The following PRKX variants were observed in gnomAD, a reference collection of about 807,000 sequenced individuals.
PRKX encodes cAMP-dependent protein kinase catalytic subunit PRKX.
In PRKX, 12 loss-of-function variants were observed where a neutral mutation model predicts 22.0. The observed-to-expected ratio is 0.54, with a 90% CI of 0.35 to 0.88. The LOEUF is 0.88. Among genes scored for constraint, PRKX ranks in the 40% least tolerant of loss-of-function variants. PRKX has a pLI of 0.01. For missense variants in PRKX, 217 were observed against 308.0 expected, an observed-to-expected ratio of 0.70 and a Z score of 2.21; for synonymous variants, 134 against 137.7, an observed-to-expected ratio of 0.97 and a Z score of 0.19.
chrX:3,701,353 T>C (rs1928567392), intron 1 of PRKX, among the ~76,000 whole-genome samples: 1 of 112,198 alleles, frequency 8.9e-6, no homozygotes, highest in Admixed American at 9.5e-5. Context: ...TGATTCTCCC[T>C]CCTTGACCTC....
chrX:3,699,740 G>A (rs1449348625), intron 1 of PRKX, among the ~76,000 whole-genome samples: 1 of 112,605 alleles, frequency 8.9e-6, no homozygotes, highest in Non-Finnish European at 1.9e-5. Context: ...TTCTAAATGA[G>A]CATCAGAAAC....
chrX:3,617,966 C>A (rs1926467457), intron 6 of PRKX, among the ~76,000 whole-genome samples: 1 of 102,704 alleles, frequency 9.7e-6, no homozygotes, highest in African/African-American at 3.6e-5. Context: ...GGGGGCGGGG[C>A]AATGGACAGA....
chrX:3,633,032 A>T, intron 4 of PRKX, among the ~76,000 whole-genome samples: 1 of 111,051 alleles, frequency 9.0e-6, no homozygotes. Flanking sequence ...AGCCTGGACA[A>T]CACAGTGAGA....
At chrX:3,673,611 G>A (rs376621988) in intron 2 of PRKX, among the ~76,000 whole-genome samples, 3 of 110,826 alleles carry the variant, frequency 2.7e-5, no homozygotes, top group Admixed American at 9.6e-5. Context: ...GGACAGGAGA[G>A]GCATGGTAGC....
At chrX:3,617,471 T>C (rs979262026) in intron 6 of PRKX, among the ~76,000 whole-genome samples, 1 of 108,887 alleles carries the variant, frequency 9.2e-6, no homozygotes, top group African/African-American at 3.3e-5. Flanking sequence ...AAGTAAGACC[T>C]GGTCTCTACA....
chrX:3,670,046 C>A (rs1189695506), intron 2 of PRKX: 1 of 123,685 alleles, frequency 8.1e-6, no homozygotes, highest in Non-Finnish European at 1.9e-5. Context: ...TGCAGGACGG[C>A]CCCACCCCAG....
intron 5 of PRKX, among the ~76,000 whole-genome samples, chrX:3,623,463 G>A (rs528075519): frequency 2.7e-5 from 3 of 110,764 alleles, no homozygotes; most frequent in South Asian, 3.9e-4. Flanking sequence ...GGCTGAGGTG[G>A]GAGTGTCATT....
At chrX:3,626,360 G>A (rs1328977335) in intron 5 of PRKX, 59 bp downstream of exon 5, 48 of 953,900 alleles carry the variant, frequency 5.0e-5, no homozygotes, top group Non-Finnish European at 6.4e-5. Context: ...TGCTTTCACG[G>A]TGATTTTAGA....
chrX:3,609,400 A>G (rs925725879), intron 8 of PRKX, among the ~76,000 whole-genome samples: 1 of 111,621 alleles, frequency 9.0e-6, no homozygotes, highest in East Asian at 2.8e-4. Context: ...ACCTCAGATG[A>G]TCCATGCGCC....
chrX:3,648,107 C>A (rs951810490), intron 3 of PRKX, among the ~76,000 whole-genome samples: 4 of 111,911 alleles, frequency 3.6e-5, no homozygotes, highest in Admixed American at 2.9e-4. Context: ...GAGCTCCTGG[C>A]CAATTTTAAC....
At chrX:3,679,595 T>C (rs1928030761) in intron 1 of PRKX, among the ~76,000 whole-genome samples, 1 of 104,458 alleles carries the variant, frequency 9.6e-6, no homozygotes, top group African/African-American at 3.7e-5. Flanking sequence ...CTCCTTGGGG[T>C]GAATATCTAC....
chrX:3,677,532 G>C (rs1274402111), intron 1 of PRKX, among the ~76,000 whole-genome samples: 2 of 105,270 alleles, frequency 1.9e-5, no homozygotes, highest in African/African-American at 6.9e-5. Context: ...ACTGGTTTGA[G>C]AAGGAAAAAA....
intron 2 of PRKX, among the ~76,000 whole-genome samples, chrX:3,660,399 T>C (rs1927570657): frequency 8.9e-6 from 1 of 111,844 alleles, no homozygotes; most frequent in African/African-American, 3.2e-5. Flanking sequence ...TCTACAACTG[T>C]TAATTTGGTT....
At chrX:3,651,570 A>AG (rs776265475) in intron 3 of PRKX, among the ~76,000 whole-genome samples, 4 of 111,988 alleles carry the variant, frequency 3.6e-5, no homozygotes, top group Admixed American at 1.9e-4. Flanking sequence ...GAAATACTAT[A>AG]GGGGAAAATC....
intron 2 of PRKX, among the ~76,000 whole-genome samples, chrX:3,661,443 C>CA (rs1373552221): frequency 1.8e-5 from 2 of 109,598 alleles, no homozygotes; most frequent in African/African-American, 3.3e-5. Context: ...TCTGTCTCTG[C>CA]AAAAAATAAA....
intron 8 of PRKX, chrX:3,611,288 T>C (rs1248164756): frequency 1.8e-5 from 2 of 112,188 alleles, no homozygotes; most frequent in Non-Finnish European, 3.8e-5. Context: ...CTGTTTCGAA[T>C]GGTGTTGGTT....
At chrX:3,648,241 G>A (rs1308492027) in intron 3 of PRKX, among the ~76,000 whole-genome samples, 2 of 111,252 alleles carry the variant, frequency 1.8e-5, no homozygotes, top group African/African-American at 6.5e-5. Context: ...GCTCTGCTAC[G>A]GTAGCTCAAA....
rs34252816 is a variant in PRKX at position 3,704,219 on chromosome X, G to GA, written c.166+8868dup. Among the ~76,000 whole-genome samples, 14 of 111,530 alleles carry GA rather than the reference G, an allele frequency of 1.3e-4. 1 individual carries two copies. The highest frequency in any genetic ancestry group is 4.2e-4 in the African/African-American group (13 of 30,614). On this transcript the variant is annotated intron_variant, in intron 1 of 8. Coordinates refer to ENST00000262848, the MANE Select transcript of PRKX (RefSeq NM_005044.5). Reference sequence around the variant, plus strand: ...ATTCTTCTTGCACAAGGGAACCCTGGAAAAAAAGGGGCCTGCCAAGTTTAC... The same window carrying GA: ...ATTCTTCTTGCACAAGGGAACCCTGGAAAAAAAAGGGGCCTGCCAAGTTTAC...
chrX:3,609,250 C>T (rs1330524073), intron 8 of PRKX, among the ~76,000 whole-genome samples: 3 of 111,255 alleles, frequency 2.7e-5, no homozygotes, highest in African/African-American at 6.5e-5. Flanking sequence ...CAACCTCCGC[C>T]TCCATGTTCA....
Sources: gnomAD v4.1 joint callset for allele counts (sites outside exome capture counted in the v4.1 genomes callset) on GRCh38, gnomAD v4.1.1 for gene constraint, MANE v1.5 for transcripts, NCBI Gene and HGNC (gene_info 2026-07-23, HGNC 2026-07-21) for gene names.